The following SLC4A1AP variants were observed in gnomAD, a reference collection of about 807,000 sequenced individuals.
SLC4A1AP encodes kanadaptin.
Under a neutral mutation model 89.7 loss-of-function variants are expected in SLC4A1AP, and 64 were observed. The ratio of observed to expected loss-of-function variants is 0.71; its 90% CI spans 0.58 to 0.88. The LOEUF (loss-of-function observed/expected upper bound fraction) is 0.88, where lower values mean the gene tolerates loss of function less well. SLC4A1AP is among the 40% of genes least tolerant of loss of function. The pLI, the probability that SLC4A1AP is intolerant of heterozygous loss-of-function variation, is 0.00. For synonymous variants in SLC4A1AP, 366 were observed against 353.3 expected (o/e 1.04, Z -0.40); for missense variants, 931 against 965.0 (o/e 0.96, Z 0.47).
chr2:27,671,310 G>C (rs1036685776), intron 5 of SLC4A1AP, among the ~76,000 whole-genome samples: 1 of 152,146 alleles, frequency 6.6e-6, no homozygotes, highest in Non-Finnish European at 1.5e-5. Context: ...TGCTAAATTA[G>C]TATTTAGTAT....
At chr2:27,694,590 T>C in intron 13 of SLC4A1AP, 44 bp from the exon 14 acceptor site, 3 of 1,422,498 alleles carry the variant, frequency 2.1e-6, no homozygotes, top group South Asian at 1.4e-5. Context: ...CTCCTGACTT[T>C]GGAAGAGTAA....
At chr2:27,694,692 G>C in exon 14 of SLC4A1AP, 1 of 1,564,072 alleles carries the variant, frequency 6.4e-7, no homozygotes, top group African/African-American at 1.3e-5. Flanking sequence ...GATTGCTTCA[G>C]AATCCCAAAA....
At chr2:27,682,474 G>A in intron 9 of SLC4A1AP, 115 bp downstream of exon 9, 2 of 624,156 alleles carry the variant, frequency 3.2e-6, no homozygotes, top group Non-Finnish European at 2.8e-6. Flanking sequence ...GTGAGAAAGG[G>A]CTGTGGGCTT....
At chr2:27,679,976 A>G (rs911036323) in intron 8 of SLC4A1AP, among the ~76,000 whole-genome samples, 11 of 152,208 alleles carry the variant, frequency 7.2e-5, no homozygotes, top group Non-Finnish European at 1.3e-4. Flanking sequence ...CCTGAATGGC[A>G]CCACAGATGC....
rs889374535 is a variant in SLC4A1AP at position 27,664,720 on chromosome 2, G to A, written c.825+143G>A. 6 of 662,508 alleles carry A rather than the reference G, an allele frequency of 9.1e-6. 1 individual carries two copies. The highest frequency in any genetic ancestry group is 5.5e-5 in the African/African-American group (3 of 54,954). 41.0% of individuals were successfully genotyped at this position (662,508 alleles called of 1,614,324 possible). A position where few individuals can be genotyped will look rare whatever the true frequency, so the allele number is the denominator to read the frequency against. ...CAAGTCTGGCCTATCATCTTCAGAC[G>A]GCTGTACACATTGCTATATTTCTGA... On this transcript the variant is annotated intron_variant, in intron 1 of 13. Transcript: ENST00000613058.
At chr2:27,692,723 T>A (rs962847438) in intron 12 of SLC4A1AP, 1 of 152,204 alleles carries the variant, frequency 6.6e-6, no homozygotes, top group African/African-American at 2.4e-5. Flanking sequence ...GGGTTGATCC[T>A]TTTATAATTA....
rs1199635486 is a variant in SLC4A1AP at position 27,685,065 on chromosome 2, C to T, written c.1904C>T (p.Pro635Leu). 4.3e-6 allele frequency: 7 copies of T among 1,612,504 alleles called. No individual in the cohort carries two copies. The Admixed American group carries it at 1.2e-4, about 27-fold the overall frequency. Reference sequence around the variant, plus strand: ...TTACCCCCCAAGCGTCCAGAACTCCCTCCAACTCTAATGAGAATGAAAGAT... The same window carrying T: ...TTACCCCCCAAGCGTCCAGAACTCCTTCCAACTCTAATGAGAATGAAAGAT... The change falls in exon 10 of 14, where the codon CCT becomes CTT. Residue 635 changes from proline to leucine, a missense_variant. Transcript: ENST00000613058.
At chr2:27,670,055 G>T (rs950833995) in intron 5 of SLC4A1AP, among the ~76,000 whole-genome samples, 1 of 152,120 alleles carries the variant, frequency 6.6e-6, no homozygotes, top group Admixed American at 6.5e-5. Flanking sequence ...TAGAGACGGG[G>T]TTTCTCCATG....
intron 13 of SLC4A1AP, among the ~76,000 whole-genome samples, chr2:27,694,195 A>T (rs917250474): frequency 3.9e-5 from 6 of 152,198 alleles, no homozygotes; most frequent in Admixed American, 1.3e-4. Flanking sequence ...ACTTATATAT[A>T]AAATGCTAAG....
chr2:27,664,362 C>T, exon 1 of SLC4A1AP: 1 of 1,614,178 alleles, frequency 6.2e-7, no homozygotes, highest in African/African-American at 1.3e-5. Flanking sequence ...CCTGGAGCAC[C>T]CTTCGGTGTC....
chr2:27,664,023 G>T, exon 1 of SLC4A1AP: 1 of 1,614,236 alleles, frequency 6.2e-7, no homozygotes, highest in Non-Finnish European at 8.5e-7. Flanking sequence ...TAAGGCCCCG[G>T]CCAGCAGTTC....
intron 5 of SLC4A1AP, among the ~76,000 whole-genome samples, chr2:27,670,340 A>G (rs2148132209): frequency 6.6e-6 from 1 of 151,234 alleles, no homozygotes; most frequent in South Asian, 2.1e-4. Flanking sequence ...GTATCAATAC[A>G]TTAATTGTGT....
chr2:27,691,401 CCTTT>C (rs1675784251), intron 12 of SLC4A1AP, among the ~76,000 whole-genome samples: 1 of 151,974 alleles, frequency 6.6e-6, no homozygotes, highest in Non-Finnish European at 1.5e-5. Context: ...TCTCCATTTT[CCTTT>C]CTAATTGAAC....
intron 3 of SLC4A1AP, 79 bp from the exon 4 acceptor site, chr2:27,668,764 G>A: frequency 5.3e-6 from 7 of 1,311,128 alleles, no homozygotes; most frequent in Non-Finnish European, 7.7e-6. Flanking sequence ...CGTATTTAAC[G>A]TTTGTTCTCA....
intron 3 of SLC4A1AP, 97 bp downstream of exon 3, chr2:27,667,487 ATTTTATTGCTGTCCTTCTTGTTCACT>A: frequency 8.7e-7 from 1 of 1,148,272 alleles, no homozygotes; most frequent in East Asian, 2.7e-5. Flanking sequence ...ATATGCTATA[ATTTTATTGCTGTCCTTCTTGTTCACT>A]TTTTACTCTT....
intron 6 of SLC4A1AP, among the ~76,000 whole-genome samples, chr2:27,676,778 C>T (rs1675530600): frequency 1.3e-5 from 2 of 148,684 alleles, no homozygotes; most frequent in Non-Finnish European, 1.5e-5. Flanking sequence ...TGCAGTGAGT[C>T]GAGATCACGC....
intron 5 of SLC4A1AP, among the ~76,000 whole-genome samples, chr2:27,671,089 ATTTTTGTATTTTT>A (rs1675421934): frequency 6.6e-6 from 1 of 151,288 alleles, no homozygotes; most frequent in Non-Finnish European, 1.5e-5. Context: ...CACCCAGCTA[ATTTTTGTATTTTT>A]AGTAGAGACA....
intron 6 of SLC4A1AP, 94 bp from the exon 7 acceptor site, chr2:27,677,201 C>T (rs1675537630): frequency 4.7e-6 from 4 of 855,042 alleles, no homozygotes; most frequent in South Asian, 4.5e-5. Context: ...AATTAATCTT[C>T]TTAAAACTTC....
chr2:27,672,762 T>C (rs1473192281), intron 5 of SLC4A1AP, among the ~76,000 whole-genome samples: 1 of 152,168 alleles, frequency 6.6e-6, no homozygotes, highest in Non-Finnish European at 1.5e-5. Flanking sequence ...TTGAATGATG[T>C]GGGTGGGCCT....
Sources: gnomAD v4.1 joint callset for allele counts (sites outside exome capture counted in the v4.1 genomes callset) on GRCh38, gnomAD v4.1.1 for gene constraint, MANE v1.5 for transcripts, NCBI Gene and HGNC (gene_info 2026-07-23, HGNC 2026-07-21) for gene names.